The following TCF20 variants were observed in gnomAD, a reference collection of about 807,000 sequenced individuals.
The protein encoded by TCF20 is SPRE-binding protein.
In TCF20, 3 loss-of-function variants were observed where a neutral mutation model predicts 148.6. That is an observed-to-expected ratio of 0.02 (90% confidence interval 0.01 to 0.05). The LOEUF (loss-of-function observed/expected upper bound fraction) is 0.05, where lower values mean the gene tolerates loss of function less well. Among genes scored for constraint, TCF20 ranks in the 10% least tolerant of loss-of-function variants. The pLI, the probability that TCF20 is intolerant of heterozygous loss-of-function variation, is 1.00. For synonymous variants in TCF20, 1,049 were observed against 909.5 expected, an observed-to-expected ratio of 1.15 and a Z score of -2.76; for missense variants, 2,350 against 2,429.3, an observed-to-expected ratio of 0.97 and a Z score of 0.69.
At chr22:42,178,150 T>C (rs1250086485) in intron 3 of TCF20, among the ~76,000 whole-genome samples, 1 of 152,198 alleles carries the variant, frequency 6.6e-6, no homozygotes, top group Admixed American at 6.5e-5. Context: ...GGAGAGAGCA[T>C]GGACGCTCCA....
chr22:42,231,106 G>A (rs2147276741), intron 1 of TCF20, among the ~76,000 whole-genome samples: 1 of 152,288 alleles, frequency 6.6e-6, no homozygotes, highest in South Asian at 2.1e-4. Flanking sequence ...AGGCTGCAGT[G>A]AGCTGAGACT....
intron 3 of TCF20, among the ~76,000 whole-genome samples, chr22:42,172,120 T>C (rs1006716409): frequency 1.3e-5 from 2 of 152,144 alleles, no homozygotes; most frequent in Admixed American, 6.5e-5. Flanking sequence ...GCAGTGTCCA[T>C]CTCTGACAAG....
intron 1 of TCF20, among the ~76,000 whole-genome samples, chr22:42,293,370 C>G (rs1336142883): frequency 6.6e-6 from 1 of 152,236 alleles, no homozygotes; most frequent in Admixed American, 6.5e-5. Context: ...TTCCCTAGGG[C>G]TCGGCATTCA....
intron 1 of TCF20, among the ~76,000 whole-genome samples, chr22:42,320,986 T>C (rs1927722275): frequency 6.6e-6 from 1 of 152,020 alleles, no homozygotes; most frequent in Non-Finnish European, 1.5e-5. Flanking sequence ...GTACACACAG[T>C]CTCCCAGGAA....
At chr22:42,308,197 G>A (rs375681043) in intron 1 of TCF20, among the ~76,000 whole-genome samples, 16 of 152,264 alleles carry the variant, frequency 1.1e-4, no homozygotes, top group East Asian at 7.7e-4. Flanking sequence ...TGGGGGTGAC[G>A]GAAGCCCTGG....
intron 1 of TCF20, among the ~76,000 whole-genome samples, chr22:42,333,559 G>T (rs1928014843): frequency 6.6e-6 from 1 of 152,246 alleles, no homozygotes; most frequent in African/African-American, 2.4e-5. Context: ...TTTCGGTAAG[G>T]AACCAGTGGT....
chr22:42,255,183 T>C (rs1925661395), intron 1 of TCF20, among the ~76,000 whole-genome samples: 1 of 152,094 alleles, frequency 6.6e-6, no homozygotes, highest in Non-Finnish European at 1.5e-5. Context: ...ATTTATTGTT[T>C]ATATAAAAAT....
At chr22:42,168,426 C>T (rs1183737148) in intron 5 of TCF20, among the ~76,000 whole-genome samples, 183 bp downstream of exon 5, 1 of 152,178 alleles carries the variant, frequency 6.6e-6, no homozygotes, top group Non-Finnish European at 1.5e-5. Context: ...TTAGAAGCCC[C>T]CACTCCTTTC....
At chr22:42,307,903 G>A (rs1927463606) in intron 1 of TCF20, among the ~76,000 whole-genome samples, 1 of 152,242 alleles carries the variant, frequency 6.6e-6, no homozygotes, top group South Asian at 2.1e-4. Context: ...TCCTTCGGAA[G>A]ACGAACTTCG....
chr22:42,165,679 A>G (rs1021626577), intron 5 of TCF20, among the ~76,000 whole-genome samples: 1 of 152,226 alleles, frequency 6.6e-6, no homozygotes, highest in African/African-American at 2.4e-5. Context: ...GCAGGGTCCA[A>G]TCTGCTGCCT....
At chr22:42,216,800 A>T (rs1026812099) in intron 1 of TCF20, among the ~76,000 whole-genome samples, 17 of 152,228 alleles carry the variant, frequency 1.1e-4, no homozygotes, top group Admixed American at 6.5e-5. Flanking sequence ...TATCTGACTG[A>T]GCCACCACTT....
intron 1 of TCF20, among the ~76,000 whole-genome samples, chr22:42,315,671 G>A (rs1405094261): frequency 2.6e-5 from 4 of 152,098 alleles, no homozygotes; most frequent in Non-Finnish European, 5.9e-5. Flanking sequence ...CAGAGAGGGG[G>A]GCACATAAGA....
chr22:42,180,765 G>C (rs1936731086), intron 2 of TCF20, among the ~76,000 whole-genome samples: 1 of 152,144 alleles, frequency 6.6e-6, no homozygotes, highest in African/African-American at 2.4e-5. Flanking sequence ...TATTCCACCT[G>C]GCAGGCACTC....
chr22:42,255,297 C>G (rs1925669999), intron 1 of TCF20, among the ~76,000 whole-genome samples: 1 of 151,944 alleles, frequency 6.6e-6, no homozygotes, highest in African/African-American at 2.4e-5. Flanking sequence ...CCATCTTGAC[C>G]AACATGGTAA....
intron 3 of TCF20, among the ~76,000 whole-genome samples, chr22:42,174,780 A>C (rs1015445033): frequency 4.0e-5 from 6 of 151,884 alleles, no homozygotes; most frequent in Non-Finnish European, 7.4e-5. Flanking sequence ...TCACGCCTGT[A>C]ATCCCAGCAC....
chr22:42,179,510 A>AG, intron 3 of TCF20, 99 bp downstream of exon 3: 1 of 735,040 alleles, frequency 1.4e-6, no homozygotes, highest in Non-Finnish European at 2.1e-6. Flanking sequence ...AAAAAAAAAA[A>AG]AGAAAAGAAA....
At chr22:42,174,818 A>T (rs188388709) in intron 3 of TCF20, among the ~76,000 whole-genome samples, 8 of 151,962 alleles carry the variant, frequency 5.3e-5, no homozygotes, top group African/African-American at 1.9e-4. Flanking sequence ...GGCAGATCAC[A>T]AGGTCAGGAG....
chr22:42,262,450 C>T (rs1569192289), intron 1 of TCF20, among the ~76,000 whole-genome samples: 2 of 152,042 alleles, frequency 1.3e-5, no homozygotes, highest in Non-Finnish European at 2.9e-5. Context: ...GGGACAAATG[C>T]AGGACAAAGA....
intron 1 of TCF20, among the ~76,000 whole-genome samples, chr22:42,220,487 G>A (rs1375053098): frequency 6.6e-6 from 1 of 152,074 alleles, no homozygotes; most frequent in African/African-American, 2.4e-5. Context: ...ATTGTGCCTG[G>A]CCCCAGCTAA....
Sources: allele counts gnomAD v4.1 joint callset (sites outside exome capture counted in the v4.1 genomes callset), GRCh38; gene constraint gnomAD v4.1.1; transcripts MANE v1.5; gene names NCBI Gene and HGNC (gene_info 2026-07-23, HGNC 2026-07-21).